The following ZBTB49 variants were observed in gnomAD, a reference collection of about 807,000 sequenced individuals.
The protein encoded by ZBTB49 is zinc finger and BTB domain containing 49, also known as zinc finger and BTB domain-containing protein 49.
A neutral mutation model predicts 57.5 loss-of-function variants in ZBTB49; 43 were observed. That is an observed-to-expected ratio of 0.75 (90% CI 0.59 to 0.97). ZBTB49 has a LOEUF of 0.97. Among genes scored for constraint, ZBTB49 ranks in the 50% least tolerant of loss-of-function variants. The pLI is 0.00. For synonymous variants in ZBTB49, 369 were observed against 362.1 expected (o/e 1.02, Z -0.22); for missense variants, 938 against 947.7 (o/e 0.99, Z 0.13).
intron 1 of ZBTB49, among the ~76,000 whole-genome samples, chr4:4,292,771 T>C (rs1375423342): frequency 2.0e-5 from 3 of 152,322 alleles, no homozygotes; most frequent in Non-Finnish European, 2.9e-5. Context: ...AAGTAATCTA[T>C]TAATGGCACT....
In ZBTB49 at chr4:4,321,310, C is replaced by T. The variant is rs1401718151; in HGVS notation, c.2292C>T (p.Asp764=). 4 of 1,609,786 alleles carry T rather than the reference C, an allele frequency of 2.5e-6. No homozygotes were observed. Among genetic ancestry groups the T allele is most frequent in the Non-Finnish European group, 1.7e-6 (2 of 1,180,000 alleles). The change falls in exon 8 of 8, where the codon GAC becomes GAT. Residue 764 remains aspartate, a synonymous_variant. Coordinates refer to ENST00000337872, the MANE Select transcript of ZBTB49 (RefSeq NM_145291.4). ...CGCTGCAGAATGAAAACGAGTTAGA[C>T]CAGTGATGTACCGCGCTTCTCCACG... ...MKTLQNENEL[D]Q is the part of the protein sequence containing the mutation.
rs1189343013 is a variant in ZBTB49, at chr4:4,321,521, G to A, written c.*205G>A. On this transcript the variant is annotated 3_prime_UTR_variant, in exon 8 of 8. Transcript: ENST00000337872. ...CCTGCTGGCTCACCGTGAGGCAGCC[G>A]CGGGAGGGAGCGCTGACGTCACAGA... 5.0e-6 allele frequency: 3 copies of A among 605,888 alleles called. No individual in the cohort carries two copies. Among genetic ancestry groups the A allele is most frequent in the South Asian group, 2.1e-5 (1 of 47,472 alleles). The allele number at this position is 605,888 out of a possible 1,614,324, so 37.5% of individuals were successfully genotyped here. A position where few individuals can be genotyped will look rare whatever the true frequency, so the allele number is the denominator to read the frequency against.
At chr4:4,300,147 C>G in intron 2 of ZBTB49, 50 bp downstream of exon 2, 2 of 1,590,454 alleles carry the variant, frequency 1.3e-6, no homozygotes, top group Non-Finnish European at 1.7e-6. Flanking sequence ...GGGTAAAGCT[C>G]TTTTAGTATG....
chr4:4,308,853 A>C (rs189499834), intron 4 of ZBTB49, among the ~76,000 whole-genome samples: 48 of 152,340 alleles, frequency 3.2e-4, no homozygotes, highest in Middle Eastern at 3.4e-3. Context: ...AGTCCTTTCT[A>C]CCTGAAAGGT....
chr4:4,308,487 C>T (rs1023715478), intron 4 of ZBTB49, among the ~76,000 whole-genome samples: 7 of 152,208 alleles, frequency 4.6e-5, no homozygotes, highest in African/African-American at 1.7e-4. Flanking sequence ...CAAGGGTAGC[C>T]CTGCCCGATC....
chr4:4,299,644 C>T (rs1444121330), intron 1 of ZBTB49, among the ~76,000 whole-genome samples: 4 of 152,164 alleles, frequency 2.6e-5, no homozygotes, highest in African/African-American at 9.7e-5. Context: ...TTCAATCCCT[C>T]AGCCACATTT....
chr4:4,317,103 G>C (rs1721222211), intron 7 of ZBTB49, among the ~76,000 whole-genome samples: 2 of 152,224 alleles, frequency 1.3e-5, no homozygotes, highest in Admixed American at 6.5e-5. Flanking sequence ...CTGTGAACTT[G>C]ATTTAATGGT....
chr4:4,291,346 C>T (rs1340108630), intron 1 of ZBTB49, among the ~76,000 whole-genome samples: 1 of 152,180 alleles, frequency 6.6e-6, no homozygotes, highest in Non-Finnish European at 1.5e-5. Flanking sequence ...GTTTTCACAT[C>T]TCTGGCGTCT....
At chr4:4,318,399 T>C (rs1460202550) in intron 7 of ZBTB49, among the ~76,000 whole-genome samples, 1 of 152,190 alleles carries the variant, frequency 6.6e-6, no homozygotes, top group African/African-American at 2.4e-5. Context: ...GTGGATCACT[T>C]GACGTCAGGA....
chr4:4,302,389 C>CA lies in ZBTB49; in HGVS notation c.554dup (p.His185GlnfsTer5). ...TGCTTCACCATCAGTTAATCGTCAT[C>CA]ACTCCGCAGGTGAAATCTCAAAACA... is the stretch of plus-strand genomic sequence containing the variant. On this transcript the variant is annotated frameshift_variant, in exon 3 of 8. Transcript: ENST00000337872. LOFTEE classifies it high-confidence loss of function. 6.2e-7 allele frequency: 1 copy of CA among 1,614,244 alleles called. No individual in the cohort carries two copies. Among genetic ancestry groups the CA allele is most frequent in the South Asian group, 1.1e-5 (1 of 91,074 alleles).
At chr4:4,309,948 A>C (rs11730318) in intron 4 of ZBTB49, among the ~76,000 whole-genome samples, 36,638 of 152,126 alleles carry the variant, frequency 0.24, 4,912 homozygotes, top group Admixed American at 0.32. Context: ...TAAAGTCTTG[A>C]AACTCCTGAG....
intron 1 of ZBTB49, among the ~76,000 whole-genome samples, chr4:4,291,089 A>C (rs1170608505): frequency 6.6e-6 from 1 of 152,198 alleles, no homozygotes; most frequent in Admixed American, 6.5e-5. Context: ...GTGTGTGTAT[A>C]TGGGTGATAA....
In ZBTB49 at chr4:4,320,674, G is replaced by T; in HGVS notation, c.1656G>T (p.Arg552Ser). The T allele has an allele frequency of 6.2e-7, 1 of 1,614,150 alleles. No homozygotes were observed. The highest frequency in any genetic ancestry group is 8.5e-7 in the Non-Finnish European group (1 of 1,180,032). The change falls in exon 8 of 8, where the codon AGG (arginine) becomes AGT (serine). Residue 552 changes from arginine (R) to serine (S), a missense_variant. Arg to Ser is a moderately radical substitution (Grantham distance 110, BLOSUM62 -1). Coordinates refer to ENST00000337872, the MANE Select transcript of ZBTB49 (RefSeq NM_145291.4). The part of the protein sequence containing the change: ...KCFGGSGDLR[R>S]HVRTHTGEKP... ...TTGGGGGATCAGGTGACCTCCGCAG[G>T]CATGTCCGCACTCACACTGGGGAGA... is the stretch of plus-strand genomic sequence containing the variant.
At chr4:4,300,210 C>T in intron 2 of ZBTB49, 113 bp downstream of exon 2, 16 of 1,184,910 alleles carry the variant, frequency 1.4e-5, no homozygotes, top group Non-Finnish European at 1.7e-5. Context: ...TCTTTTATAG[C>T]ACATTGGATT....
intron 3 of ZBTB49, among the ~76,000 whole-genome samples, chr4:4,304,969 G>C (rs1720674608): frequency 6.6e-6 from 1 of 152,040 alleles, no homozygotes; most frequent in African/African-American, 2.4e-5. Context: ...AGGCCAAAAA[G>C]TCTGAGGCCT....
At chr4:4,290,373 A>T (rs1216782465) in intron 1 of ZBTB49, 21 bp downstream of exon 1, 2 of 152,740 alleles carry the variant, frequency 1.3e-5, no homozygotes, top group Admixed American at 1.3e-4. Flanking sequence ...CGGCCTTGCG[A>T]AGGCGTGCGG....
chr4:4,303,784 C>CTATA (rs35257963), intron 3 of ZBTB49, among the ~76,000 whole-genome samples: 8,263 of 145,682 alleles, frequency 0.057, 332 homozygotes, highest in African/African-American at 0.083. Flanking sequence ...CTCTCTCTCT[C>CTATA]TATATATATA....
Position 4,320,821 on chromosome 4 carries a change from A to C in ZBTB49, c.1803A>C (p.Gln601His), listed in dbSNP as rs1721380860. The change falls in exon 8 of 8, where the codon CAA (glutamine) becomes CAC (histidine). Residue 601 changes from glutamine to histidine, a missense_variant. Physicochemically the swap from Gln to His is conservative, Grantham distance 24 (BLOSUM62 0). This residue lies in a region of ZBTB49 where 835 missense variants were observed against 819.1 expected (regional missense o/e 1.02). Coordinates refer to ENST00000337872, the MANE Select transcript of ZBTB49 (RefSeq NM_145291.4). ...CAGATGTGCTGGAGGAGCTCAGCCA[A>C]GCCATCGAGACCTCCGACCTCGAGA... ...ESPDVLEELS[Q>H]AIETSDLEKS... The C allele has an allele frequency of 6.2e-7, 1 of 1,614,072 alleles. No individual in the cohort carries two copies. Among genetic ancestry groups the C allele is most frequent in the Non-Finnish European group, 8.5e-7 (1 of 1,180,042 alleles).
Position 4,299,502 on chromosome 4 carries a change from A to G in ZBTB49, c.-19-425A>G, listed in dbSNP as rs7666933. Among the ~76,000 whole-genome samples the G allele has an allele frequency of 4.8e-3, 726 of 152,272 alleles. 8 individuals are homozygous for G. Among genetic ancestry groups the G allele is most frequent in the African/African-American group, 0.016 (677 of 41,552 alleles). ...TCTTTCACCTTATACATTTTTATGT[A>G]TGTGTATATTATTTTAATTTTTATT... On this transcript the variant is annotated intron_variant, in intron 1 of 7. Coordinates refer to ENST00000337872, the MANE Select transcript of ZBTB49 (RefSeq NM_145291.4).
Sources: allele counts gnomAD v4.1 joint callset (sites outside exome capture counted in the v4.1 genomes callset), GRCh38; gene constraint gnomAD v4.1.1; regional missense constraint gnomAD v4.1.1; transcripts MANE v1.5; gene names NCBI Gene and HGNC (gene_info 2026-07-23, HGNC 2026-07-21).